The following FRMD4A variants were observed in gnomAD, a reference collection of about 807,000 sequenced individuals.
The protein encoded by FRMD4A is FERM domain containing 4A.
FRMD4A carries 29 observed loss-of-function variants against 129.1 expected under a neutral mutation model. The observed-to-expected ratio is 0.22, with a 90% confidence interval of 0.17 to 0.31. The LOEUF (loss-of-function observed/expected upper bound fraction) is 0.31. Ranked by LOEUF, FRMD4A falls within the 10% of genes least tolerant of loss-of-function variation. FRMD4A has a pLI of 1.00. For synonymous variants in FRMD4A, 634 were observed against 571.6 expected, an observed-to-expected ratio of 1.11 and a Z score of -1.56; for missense variants, 1,272 against 1,375.8, an observed-to-expected ratio of 0.92 and a Z score of 1.19.
At chr10:13,704,011 A>AAAAC (rs143691958) in intron 13 of FRMD4A, among the ~76,000 whole-genome samples, 12 of 152,266 alleles carry the variant, frequency 7.9e-5, no homozygotes, top group African/African-American at 1.2e-4. Flanking sequence ...CTCAAAAAAC[A>AAAAC]AAACAAACAA....
intron 2 of FRMD4A, among the ~76,000 whole-genome samples, chr10:14,069,419 G>C (rs1835213318): frequency 6.6e-6 from 1 of 152,084 alleles, no homozygotes; most frequent in Non-Finnish European, 1.5e-5. Context: ...TGCATATTTG[G>C]GGGTCAGGGA....
chr10:13,854,943 C>T (rs1380564959), intron 3 of FRMD4A, among the ~76,000 whole-genome samples: 1 of 152,120 alleles, frequency 6.6e-6, no homozygotes, highest in East Asian at 1.9e-4. Context: ...TAAGGAGCTA[C>T]CTGGTAAAGA....
chr10:13,762,519 G>T, intron 7 of FRMD4A, 105 bp downstream of exon 7: 1 of 693,452 alleles, frequency 1.4e-6, no homozygotes, highest in South Asian at 1.8e-5. Flanking sequence ...AAGGTAAGAC[G>T]ACAAATAGTG....
At position 13,728,573 on chromosome 10, in the gene FRMD4A, C is replaced by CTTTTTTTTTTTTTTTTTTTTTT. The variant is rs10706168; in HGVS notation, c.759+9270_759+9271insAAAAAAAAAAAAAAAAAAAAAA. Among the ~76,000 whole-genome samples the CTTTTTTTTTTTTTTTTTTTTTT allele has an allele frequency of 4.6e-3, 357 of 78,318 alleles. 74 individuals are homozygous for CTTTTTTTTTTTTTTTTTTTTTT. The highest frequency in any genetic ancestry group is 5.3e-3 in the Non-Finnish European group (223 of 42,016). The allele number at this position is 78,318 out of a possible 152,430, so 51.4% of individuals were successfully genotyped here. On this transcript the variant is annotated intron_variant, in intron 12 of 24. Transcript: ENST00000357447. The stretch of plus-strand genomic sequence containing the variant: ...TCAGTGCTTTCAGGTGATTACCATT[C>CTTTTTTTTTTTTTTTTTTTTTT]TTTTTTTTTTTTTTTTTGAGATGGA...
chr10:13,861,751 T>G (rs774103359), intron 2 of FRMD4A, among the ~76,000 whole-genome samples: 2 of 152,218 alleles, frequency 1.3e-5, no homozygotes, highest in East Asian at 3.8e-4. Flanking sequence ...TTAGAATCCA[T>G]CAACCTTGCA....
intron 2 of FRMD4A, among the ~76,000 whole-genome samples, chr10:14,300,286 G>T (rs1044077481): frequency 2.0e-5 from 3 of 152,156 alleles, no homozygotes; most frequent in Non-Finnish European, 4.4e-5. Context: ...CCAGGAGAGA[G>T]AAGGCTTGGA....
chr10:14,231,261 T>C (rs1843628617), intron 2 of FRMD4A, among the ~76,000 whole-genome samples: 1 of 152,194 alleles, frequency 6.6e-6, no homozygotes, highest in Non-Finnish European at 1.5e-5. Context: ...GTGTTCCCTT[T>C]TTGCTGCAGC....
At chr10:13,836,670 C>T (rs1322786448) in intron 3 of FRMD4A, among the ~76,000 whole-genome samples, 5 of 151,996 alleles carry the variant, frequency 3.3e-5, no homozygotes, top group Admixed American at 3.3e-4. Context: ...GAGTTTGTGG[C>T]CCAGGAGGGA....
At chr10:13,810,937 T>A in intron 3 of FRMD4A, 29 bp from the exon 4 acceptor site, 1 of 1,179,960 alleles carries the variant, frequency 8.5e-7, no homozygotes, top group Non-Finnish European at 1.3e-6. Context: ...GGAAGAAGGG[T>A]AAGTGATGAG....
intron 2 of FRMD4A, among the ~76,000 whole-genome samples, chr10:14,197,557 C>T (rs538251665): frequency 1.1e-3 from 165 of 152,182 alleles, no homozygotes; most frequent in Non-Finnish European, 1.9e-3. Context: ...GATGGGGTTT[C>T]ATCACATTGA....
intron 22 of FRMD4A, 102 bp downstream of exon 22, chr10:13,656,534 A>G: frequency 8.1e-7 from 1 of 1,237,166 alleles, no homozygotes; most frequent in Non-Finnish European, 1.0e-6. Context: ...CCCGTTCCTC[A>G]CTGCACCCAG....
intron 2 of FRMD4A, among the ~76,000 whole-genome samples, chr10:14,268,193 T>C (rs2132042631): frequency 6.6e-6 from 1 of 152,352 alleles, no homozygotes; most frequent in East Asian, 1.9e-4. Flanking sequence ...TATATTTGTT[T>C]TGTTTTGTTT....
At chr10:13,834,886 G>A (rs571304065) in intron 3 of FRMD4A, among the ~76,000 whole-genome samples, 5 of 152,246 alleles carry the variant, frequency 3.3e-5, no homozygotes, top group Admixed American at 6.5e-5. Context: ...TCTTACCTCC[G>A]AAATTCTTCT....
chr10:13,785,783 C>A (rs557018933), intron 5 of FRMD4A, among the ~76,000 whole-genome samples: 7 of 151,952 alleles, frequency 4.6e-5, no homozygotes, highest in African/African-American at 1.7e-4. Flanking sequence ...CCCCCCACCC[C>A]ACGACAGGCC....
intron 2 of FRMD4A, among the ~76,000 whole-genome samples, chr10:13,951,334 G>A (rs1165116211): frequency 5.3e-5 from 8 of 152,050 alleles, no homozygotes; most frequent in African/African-American, 1.9e-4. Context: ...GAGAGAGGTA[G>A]TGCGCCATCT....
At position 13,666,125 on chromosome 10, in the gene FRMD4A, G is replaced by A; in HGVS notation, c.1575C>T (p.Pro525=). The A allele has an allele frequency of 1.2e-6, 2 of 1,610,244 alleles. No homozygotes were observed. The highest frequency in any genetic ancestry group is 2.2e-5 in the South Asian group (2 of 91,004). ...NENRIKSGKK[P]TQRASLIIDD... is the part of the protein sequence containing the mutation. The stretch of plus-strand genomic sequence containing the variant: ...CTATGATCAGCGAAGCCCTCTGGGT[G>A]GGTTTCTTCCCAGACTTGATGCGGT... The change falls in exon 18 of 25, where the codon CCC becomes CCT. Residue 525 remains proline (P), a synonymous_variant. Coordinates refer to ENST00000357447, the MANE Select transcript of FRMD4A (RefSeq NM_018027.5).
chr10:14,019,732 C>A (rs185160708), intron 2 of FRMD4A, among the ~76,000 whole-genome samples: 1 of 152,178 alleles, frequency 6.6e-6, no homozygotes, highest in Non-Finnish European at 1.5e-5. Context: ...AGTGATGGGG[C>A]TGATGCCTTT....
intron 12 of FRMD4A, chr10:13,707,809 T>C (rs2087624208): frequency 1.0e-6 from 1 of 985,082 alleles, no homozygotes; most frequent in South Asian, 4.7e-5. Flanking sequence ...CCAGAGTCTC[T>C]CCCTCAAGCT....
At chr10:13,944,149 A>G (rs2095314652) in intron 2 of FRMD4A, among the ~76,000 whole-genome samples, 1 of 152,178 alleles carries the variant, frequency 6.6e-6, no homozygotes, top group Non-Finnish European at 1.5e-5. Flanking sequence ...CCTGGGCCAC[A>G]GACTGGCTGC....
Sources: allele counts gnomAD v4.1 joint callset (sites outside exome capture counted in the v4.1 genomes callset), GRCh38; gene constraint gnomAD v4.1.1; transcripts MANE v1.5; gene names NCBI Gene and HGNC (gene_info 2026-07-23, HGNC 2026-07-21).